The following IQCM variants were observed in gnomAD, a reference collection of about 807,000 sequenced individuals.
IQCM encodes IQ motif containing M, also known as IQ domain-containing protein M.
IQCM carries 45 observed loss-of-function variants against 57.6 expected under a neutral mutation model. The observed-to-expected ratio is 0.78, with a 90% CI of 0.62 to 1.00. IQCM has a LOEUF of 1.00. Ranked by LOEUF, IQCM falls within the 50% of genes least tolerant of loss-of-function variation. The pLI is 0.00. For missense variants in IQCM, 468 were observed against 511.6 expected (o/e 0.91, Z 0.82); for synonymous variants, 148 against 158.9 (o/e 0.93, Z 0.51).
rs140466350 is a variant in IQCM at position 149,745,568 on chromosome 4, G to GA, written c.-48-2830dup. Reference sequence around the variant, plus strand: ...TTAAGGCTCTCTGAAACGGTTACAGGAATGCTAAGGATTTCTAATTCCATT... The same window carrying GA: ...TTAAGGCTCTCTGAAACGGTTACAGGAAATGCTAAGGATTTCTAATTCCATT... On this transcript the variant is annotated intron_variant, in intron 2 of 13. Coordinates refer to ENST00000636793, the MANE Select transcript of IQCM (RefSeq NM_001363507.2). Among the ~76,000 whole-genome samples, 712 of 152,240 alleles carry GA rather than the reference G, an allele frequency of 4.7e-3. 6 individuals are homozygous for GA. Among genetic ancestry groups the GA allele is most frequent in the African/African-American group, 0.016 (681 of 41,536 alleles).
intron 13 of IQCM, among the ~76,000 whole-genome samples, chr4:149,410,581 A>T (rs914729242): frequency 6.6e-6 from 1 of 151,746 alleles, no homozygotes; most frequent in African/African-American, 2.4e-5. Flanking sequence ...TTGTATTTCT[A>T]TATACTGGAA....
chr4:149,533,759 A>G (rs188253494), intron 12 of IQCM, among the ~76,000 whole-genome samples: 1 of 152,256 alleles, frequency 6.6e-6, no homozygotes, highest in Non-Finnish European at 1.5e-5. Flanking sequence ...TGCCCCCATG[A>G]TTCAATTACC....
In IQCM at chr4:149,368,960, GTGTATATATATATGTGTATATATA is replaced by G. The variant is rs1730130958; in HGVS notation, c.1391-16918_1391-16895del. Among the ~76,000 whole-genome samples the G allele has an allele frequency of 3.8e-5, 2 of 52,714 alleles. 1 individual carries two copies. The highest frequency in any genetic ancestry group is 1.5e-4 in the African/African-American group (2 of 13,164). The allele number at this position is 52,714 out of a possible 152,430, so 34.6% of individuals were successfully genotyped here. On this transcript the variant is annotated intron_variant, in intron 13 of 13. Coordinates refer to ENST00000636793, the MANE Select transcript of IQCM (RefSeq NM_001363507.2). The stretch of plus-strand genomic sequence containing the variant: ...TATATATATGTGTATATATATACAC[GTGTATATATATATGTGTATATATA>G]TACACGTGTATATATATATATATAC...
At chr4:149,580,717 C>T (rs879623295) in intron 9 of IQCM, among the ~76,000 whole-genome samples, 3 of 151,516 alleles carry the variant, frequency 2.0e-5, no homozygotes, top group South Asian at 2.1e-4. Flanking sequence ...AAAACTAACA[C>T]GTAATTATTT....
chr4:149,392,534 A>AT (rs971339018), intron 13 of IQCM, among the ~76,000 whole-genome samples: 15 of 151,612 alleles, frequency 9.9e-5, no homozygotes, highest in Non-Finnish European at 1.8e-4. Flanking sequence ...TACTAGGAAG[A>AT]TTTTTTTTTC....
At chr4:149,774,907 G>T (rs888073784) in intron 2 of IQCM, among the ~76,000 whole-genome samples, 6 of 151,680 alleles carry the variant, frequency 4.0e-5, no homozygotes, top group African/African-American at 1.5e-4. Flanking sequence ...TTAAGATGTT[G>T]TAATAATTAG....
rs181845302 is a variant in IQCM, at chr4:149,535,464, C to T, written c.1228+12991G>A. Among the ~76,000 whole-genome samples the T allele has an allele frequency of 1.0e-3, 154 of 152,008 alleles. 1 individual carries two copies. Among genetic ancestry groups the T allele is most frequent in the Non-Finnish European group, 3.4e-4 (23 of 67,914 alleles). Reference sequence around the variant, plus strand: ...CTTGCTAGTGGCTCTCCGCATGTTACGAGTACTGGGTGTATAATCTTAATA... The same window carrying T: ...CTTGCTAGTGGCTCTCCGCATGTTATGAGTACTGGGTGTATAATCTTAATA... On this transcript the variant is annotated intron_variant, in intron 12 of 13. Coordinates refer to ENST00000636793, the MANE Select transcript of IQCM (RefSeq NM_001363507.2).
At chr4:149,801,464 A>G (rs186658982) in intron 2 of IQCM, among the ~76,000 whole-genome samples, 7 of 152,048 alleles carry the variant, frequency 4.6e-5, no homozygotes, top group Non-Finnish European at 8.8e-5. Flanking sequence ...AGCTCTGTTC[A>G]CAATAGCCAA....
At chr4:149,461,682 G>A (rs915264736) in intron 12 of IQCM, among the ~76,000 whole-genome samples, 1 of 148,306 alleles carries the variant, frequency 6.7e-6, no homozygotes, top group African/African-American at 2.5e-5. Flanking sequence ...GAAGAAGAAA[G>A]AAAGAAAAAG....
intron 13 of IQCM, among the ~76,000 whole-genome samples, chr4:149,406,932 G>A (rs1273117899): frequency 6.6e-6 from 1 of 151,936 alleles, no homozygotes; most frequent in Admixed American, 6.6e-5. Flanking sequence ...ATGGTGGAAG[G>A]CGAAAGGCAC....
chr4:149,748,802 G>A (rs1768170426), intron 2 of IQCM: 1 of 152,146 alleles, frequency 6.6e-6, no homozygotes, highest in Non-Finnish European at 1.5e-5. Flanking sequence ...ACCCATACTT[G>A]AGTAGAGATC....
At chr4:149,759,661 AT>A (rs1222946097) in intron 2 of IQCM, among the ~76,000 whole-genome samples, 2 of 152,088 alleles carry the variant, frequency 1.3e-5, no homozygotes, top group Admixed American at 6.6e-5. Flanking sequence ...ATTAAATATC[AT>A]TTTTTTAAAA....
chr4:149,473,452 A>G (rs979357038), intron 12 of IQCM, among the ~76,000 whole-genome samples: 2 of 152,186 alleles, frequency 1.3e-5, no homozygotes, highest in East Asian at 1.9e-4. Context: ...TTAGAATGGC[A>G]ATCATTAAAA....
At chr4:149,535,508 G>A (rs921939959) in intron 12 of IQCM, among the ~76,000 whole-genome samples, 3 of 151,892 alleles carry the variant, frequency 2.0e-5, no homozygotes, top group African/African-American at 7.2e-5. Context: ...TCTAACAAAA[G>A]GAACCAAAAG....
At position 149,768,360 on chromosome 4, in the gene IQCM, G is replaced by A. The variant is rs529819822; in HGVS notation, c.-48-25621C>T. Among the ~76,000 whole-genome samples, 4 of 151,974 alleles carry A rather than the reference G, an allele frequency of 2.6e-5. No homozygotes were observed. The East Asian group carries it at 7.7e-4, about 29-fold the overall frequency. ...TAGAATTCGAAAATTTTACTTTCTAGGTAGATCACTTATAATGAACCATCC... is the reference window on the plus strand; with the variant it reads ...TAGAATTCGAAAATTTTACTTTCTAAGTAGATCACTTATAATGAACCATCC... On this transcript the variant is annotated intron_variant, in intron 2 of 13. Transcript: ENST00000636793.
At chr4:149,486,231 T>C (rs1741492854) in intron 12 of IQCM, among the ~76,000 whole-genome samples, 1 of 152,058 alleles carries the variant, frequency 6.6e-6, no homozygotes, top group Non-Finnish European at 1.5e-5. Context: ...GCCCTGGGTG[T>C]GTCCAGAGAT....
intron 12 of IQCM, among the ~76,000 whole-genome samples, chr4:149,532,238 A>G (rs1432433849): frequency 6.6e-6 from 1 of 152,244 alleles, no homozygotes; most frequent in East Asian, 1.9e-4. Flanking sequence ...AATAAATATA[A>G]GAGCAGCAAT....
chr4:149,372,371 A>T (rs1020960342), intron 13 of IQCM, among the ~76,000 whole-genome samples: 7 of 152,166 alleles, frequency 4.6e-5, no homozygotes, highest in African/African-American at 1.2e-4. Context: ...AAGGTGTTCC[A>T]TGAATTTTAG....
At chr4:149,558,728 A>G (rs116628780) in intron 10 of IQCM, among the ~76,000 whole-genome samples, 2,305 of 152,278 alleles carry the variant, frequency 0.015, 25 homozygotes, top group Non-Finnish European at 0.025. Context: ...CAGAAATATG[A>G]TGAGATTCAT....
Sources: allele counts gnomAD v4.1 joint callset (sites outside exome capture counted in the v4.1 genomes callset), GRCh38; gene constraint gnomAD v4.1.1; transcripts MANE v1.5; gene names NCBI Gene and HGNC (gene_info 2026-07-23, HGNC 2026-07-21).